Variants in DOCK10 observed in about 807,000 individuals in gnomAD.
DOCK10 encodes dedicator of cytokinesis 10.
A neutral mutation model predicts 280.1 loss-of-function variants in DOCK10; 145 were observed. The observed-to-expected ratio is 0.52, with a 90% CI of 0.45 to 0.59. DOCK10 has a LOEUF of 0.59. Among genes scored for constraint, DOCK10 ranks in the 20% least tolerant of loss-of-function variants. DOCK10 has a pLI of 0.00. For missense variants in DOCK10, 2,368 were observed against 2,651.7 expected (o/e 0.89, Z 2.35); for synonymous variants, 915 against 942.2 (o/e 0.97, Z 0.53).
At chr2:224,791,851 T>C (rs1222308414) in intron 47 of DOCK10, among the ~76,000 whole-genome samples, 1 of 152,188 alleles carries the variant, frequency 6.6e-6, no homozygotes, top group Middle Eastern at 3.2e-3. Flanking sequence ...AAGGGATGAA[T>C]TATGTTTCTG....
intron 11 of DOCK10, among the ~76,000 whole-genome samples, chr2:224,872,368 A>G (rs950765818): frequency 2.6e-5 from 4 of 152,234 alleles, no homozygotes; most frequent in African/African-American, 9.6e-5. Flanking sequence ...CATTGTTATT[A>G]TCTCCATTTA....
intron 2 of DOCK10, among the ~76,000 whole-genome samples, chr2:224,921,106 A>ATATAT (rs1553613917): frequency 3.5e-5 from 2 of 57,834 alleles, no homozygotes; most frequent in African/African-American, 1.9e-4. Flanking sequence ...AAAAAAAAAA[A>ATATAT]AAAAAAATAT....
intron 13 of DOCK10, among the ~76,000 whole-genome samples, 151 bp from the exon 14 acceptor site, chr2:224,862,897 T>C (rs1404075792): frequency 1.3e-5 from 2 of 152,218 alleles, no homozygotes; most frequent in African/African-American, 2.4e-5. Context: ...AAGAGCCAAA[T>C]GGTGTCCTAT....
At chr2:224,778,045 C>T (rs1045152863) in intron 51 of DOCK10, 93 bp downstream of exon 51, 7 of 1,304,010 alleles carry the variant, frequency 5.4e-6, no homozygotes, top group Non-Finnish European at 7.4e-6. Flanking sequence ...GTTTACTTTG[C>T]ATCGTCAGGC....
chr2:224,779,016 G>C (rs1473797388), intron 50 of DOCK10, among the ~76,000 whole-genome samples: 2 of 152,074 alleles, frequency 1.3e-5, no homozygotes. Flanking sequence ...TTCCACAAGA[G>C]CAAGTAGGTT....
chr2:224,984,139 A>G (rs1028746597), intron 1 of DOCK10, among the ~76,000 whole-genome samples: 8 of 151,768 alleles, frequency 5.3e-5, no homozygotes, highest in Non-Finnish European at 7.4e-5. Flanking sequence ...TCTCTCTCCA[A>G]TCACTTCCGT....
intron 50 of DOCK10, among the ~76,000 whole-genome samples, chr2:224,780,793 A>C (rs1574806295): frequency 6.6e-6 from 1 of 151,938 alleles, no homozygotes; most frequent in Admixed American, 6.6e-5. Context: ...CCAGCTACTC[A>C]GGAGGCTGAG....
chr2:224,879,821 A>G (rs548744973), intron 7 of DOCK10, among the ~76,000 whole-genome samples: 1 of 152,152 alleles, frequency 6.6e-6, no homozygotes, highest in Non-Finnish European at 1.5e-5. Flanking sequence ...GTAAATGTCC[A>G]GAGTTTGGTG....
chr2:224,807,337 G>A (rs1266586950), intron 33 of DOCK10: 3 of 206,794 alleles, frequency 1.5e-5, no homozygotes, highest in Non-Finnish European at 2.0e-5. Flanking sequence ...ACCAGGGGGG[G>A]ATGTAGGGAA....
intron 27 of DOCK10, among the ~76,000 whole-genome samples, chr2:224,825,971 G>A (rs550232970): frequency 6.6e-6 from 1 of 152,282 alleles, no homozygotes; most frequent in South Asian, 2.1e-4. Context: ...GAGGATGATG[G>A]GAAACAAAAG....
Position 224,789,173 on chromosome 2 carries a change from T to A in DOCK10, c.5312-3A>T. On this transcript the variant is annotated splice_polypyrimidine_tract_variant and splice_region_variant and intron_variant, in intron 47 of 55. Transcript: ENST00000258390. Reference sequence around the variant, plus strand: ...TGGCCATCCCATAGAGAACATGCCTTGGGAGGACCAAGCAGAATAAAACAT... The same window carrying A: ...TGGCCATCCCATAGAGAACATGCCTAGGGAGGACCAAGCAGAATAAAACAT... The A allele has an allele frequency of 6.3e-7, 1 of 1,593,790 alleles. No individual in the cohort carries two copies. Among genetic ancestry groups the A allele is most frequent in the Non-Finnish European group, 8.6e-7 (1 of 1,162,114 alleles).
Position 224,830,606 on chromosome 2 carries a change from A to G in DOCK10, c.2971T>C (p.Trp991Arg). ...TTTAGGATAATTGCAAAGAAGAACCAGGAATGCTGTTGGGAAAAAAAAGGC... is the reference window on the plus strand; with the variant it reads ...TTTAGGATAATTGCAAAGAAGAACCGGGAATGCTGTTGGGAAAAAAAAGGC... ...TTVKHVLKHS[W>R]FFFAIILKSM... The change falls in exon 27 of 56, where the codon TGG becomes CGG. Residue 991 changes from tryptophan to arginine, a missense_variant. By Grantham distance (101) the Trp-to-Arg change is moderately radical. This residue lies in a region of DOCK10 where 1,209 missense variants were observed against 1,250.9 expected (regional missense o/e 0.97). Transcript: ENST00000258390. The G allele has an allele frequency of 6.6e-7, 1 of 1,524,846 alleles. No individual in the cohort carries two copies. The highest frequency in any genetic ancestry group is 8.8e-7 in the Non-Finnish European group (1 of 1,130,954). The allele number at this position is 1,524,846 out of a possible 1,614,324, so 94.5% of individuals were successfully genotyped here.
intron 7 of DOCK10, among the ~76,000 whole-genome samples, chr2:224,884,991 T>A (rs1000554370): frequency 3.9e-5 from 6 of 152,236 alleles, no homozygotes; most frequent in Non-Finnish European, 7.4e-5. Context: ...CTTTGCTTAT[T>A]CTTTTTTTGT....
At chr2:224,767,706 T>G (rs936266688) in intron 55 of DOCK10, among the ~76,000 whole-genome samples, 2 of 152,144 alleles carry the variant, frequency 1.3e-5, no homozygotes, top group African/African-American at 4.8e-5. Context: ...CAATGTGTAC[T>G]GAGTTAAGAT....
At chr2:224,826,705 A>G (rs1694878561) in intron 27 of DOCK10, among the ~76,000 whole-genome samples, 1 of 151,882 alleles carries the variant, frequency 6.6e-6, no homozygotes, top group African/African-American at 2.4e-5. Context: ...CCTGGGCAAC[A>G]TGACGAAACC....
In DOCK10 at chr2:224,765,520, C is replaced by A; in HGVS notation, c.*201G>T. 2.1e-6 allele frequency: 1 copy of A among 475,294 alleles called. No homozygotes were observed. The highest frequency in any genetic ancestry group is 3.7e-6 in the Non-Finnish European group (1 of 267,352). 29.4% of individuals were successfully genotyped at this position (475,294 alleles called of 1,614,324 possible). On this transcript the variant is annotated 3_prime_UTR_variant, in exon 56 of 56. Transcript: ENST00000258390. The stretch of plus-strand genomic sequence containing the variant: ...ATTTCATGGCAAATATTCAACCTGG[C>A]TTGATCAACACTGCTCAAAGAAAAA...
In DOCK10 at chr2:224,854,976, G is replaced by A. The variant is rs16866236; in HGVS notation, c.1875C>T (p.Pro625=). The A allele has an allele frequency of 0.12, 194,083 of 1,606,956 alleles. 12,973 individuals are homozygous for A. The highest frequency in any genetic ancestry group is 0.14 in the Non-Finnish European group (161,997 of 1,175,856). ...GSLDIAVDNV[P]LEHPNCVTSS... is the part of the protein sequence containing the mutation. Reference sequence around the variant, plus strand: ...TCATCATCATACTTGGATGCTCCAAGGGAACGTTGTCAACAGCAATATCCA... The same window carrying A: ...TCATCATCATACTTGGATGCTCCAAAGGAACGTTGTCAACAGCAATATCCA... Residue 625 remains proline, a synonymous_variant, in exon 16 of 56, where the codon CCC becomes CCT. Transcript: ENST00000258390.
rs1399528801 is a variant in DOCK10, at chr2:224,773,347, G to A, written c.6014C>T (p.Thr2005Met). Residue 2005 changes from threonine to methionine, a missense_variant and splice_region_variant, in exon 53 of 56, where the codon ACG (threonine) becomes ATG (methionine). Physicochemically the swap from Thr to Met is moderately conservative, Grantham distance 81. Transcript: ENST00000258390. ...EQCKRRTILT[T>M]SHLFPYVKKR... is the part of the protein sequence containing the mutation. ...CTTCACGTAGGGGAACAGGTGACTC[G>A]CTGTACAAAAGCCATACAAAGGGAT... 3.1e-6 allele frequency: 5 copies of A among 1,607,250 alleles called. No individual in the cohort carries two copies. Among genetic ancestry groups the A allele is most frequent in the East Asian group, 2.2e-5 (1 of 44,806 alleles).
intron 14 of DOCK10, among the ~76,000 whole-genome samples, chr2:224,859,961 A>G (rs958562371): frequency 6.6e-6 from 1 of 152,226 alleles, no homozygotes; most frequent in African/African-American, 2.4e-5. Context: ...GTGGTCTGAC[A>G]TGGTATCTTT....
Sources: gnomAD v4.1 joint callset for allele counts (sites outside exome capture counted in the v4.1 genomes callset) on GRCh38, gnomAD v4.1.1 for gene constraint, gnomAD v4.1.1 regional missense constraint, MANE v1.5 for transcripts, NCBI Gene and HGNC (gene_info 2026-07-23, HGNC 2026-07-21) for gene names.